CWC27: variants seen among roughly 807,000 people sequenced by gnomAD.
CWC27 encodes spliceosome-associated protein CWC27 homolog.
A neutral mutation model predicts 63.6 loss-of-function variants in CWC27; 47 were observed. That is an observed-to-expected ratio of 0.74 (90% confidence interval 0.58 to 0.94). The LOEUF is 0.94. CWC27 is among the 40% of genes least tolerant of loss of function. The pLI is 0.00. For missense variants in CWC27, 495 were observed against 554.3 expected (o/e 0.89, Z 1.07); for synonymous variants, 175 against 179.8 (o/e 0.97, Z 0.22).
intron 2 of CWC27, among the ~76,000 whole-genome samples, chr5:64,776,654 C>T (rs949055305): frequency 6.6e-6 from 1 of 152,032 alleles, no homozygotes; most frequent in African/African-American, 2.4e-5. Flanking sequence ...CAAGGATACT[C>T]CTAAATAAGT....
intron 10 of CWC27, among the ~76,000 whole-genome samples, chr5:64,839,322 T>G (rs1421607861): frequency 6.6e-6 from 1 of 152,130 alleles, no homozygotes; most frequent in East Asian, 1.9e-4. Context: ...ATGAAGAAGA[T>G]GAGAGTTTGA....
intron 10 of CWC27, chr5:64,804,713 T>C: frequency 5.5e-6 from 1 of 180,628 alleles, no homozygotes; most frequent in Non-Finnish European, 1.1e-5. Context: ...ATGAGAGCAG[T>C]AGAGTAATTG....
chr5:64,907,570 C>A (rs2112373150), intron 11 of CWC27, among the ~76,000 whole-genome samples: 1 of 152,294 alleles, frequency 6.6e-6, no homozygotes, highest in East Asian at 1.9e-4. Context: ...TGGGCTGAGA[C>A]ACTGGGGTTT....
intron 11 of CWC27, among the ~76,000 whole-genome samples, chr5:64,916,900 G>T (rs942146283): frequency 0.018 from 2,665 of 151,204 alleles, 44 homozygotes; most frequent in African/African-American, 0.05. Flanking sequence ...AGTAGTAGTA[G>T]TAGTAGTAGT....
intron 10 of CWC27, chr5:64,807,609 C>T: frequency 6.5e-7 from 1 of 1,533,882 alleles, no homozygotes; most frequent in Non-Finnish European, 8.7e-7. Flanking sequence ...CCCACCTTCT[C>T]TATGCCTGTA....
intron 11 of CWC27, among the ~76,000 whole-genome samples, chr5:64,927,477 C>T (rs1370306646): frequency 6.6e-6 from 1 of 152,160 alleles, no homozygotes; most frequent in African/African-American, 2.4e-5. Context: ...GCTTCTTCAG[C>T]TTTACTCTTC....
intron 11 of CWC27, among the ~76,000 whole-genome samples, chr5:64,897,788 G>A (rs1300522162): frequency 6.6e-6 from 1 of 152,084 alleles, no homozygotes; most frequent in Non-Finnish European, 1.5e-5. Flanking sequence ...AAGGCAAAAT[G>A]TATTACTAGG....
At chr5:64,869,229 G>A (rs550683751) in intron 10 of CWC27, among the ~76,000 whole-genome samples, 3 of 152,102 alleles carry the variant, frequency 2.0e-5, no homozygotes, top group African/African-American at 4.8e-5. Flanking sequence ...GCTGTTCACC[G>A]TATTCTATAA....
chr5:64,961,270 C>T (rs1159708305), intron 11 of CWC27, among the ~76,000 whole-genome samples: 3 of 152,178 alleles, frequency 2.0e-5, no homozygotes, highest in Non-Finnish European at 4.4e-5. Flanking sequence ...AGTAATGTCA[C>T]TTACCTGGTC....
At chr5:64,987,548 A>T (rs1477235905) in intron 13 of CWC27, among the ~76,000 whole-genome samples, 1 of 152,168 alleles carries the variant, frequency 6.6e-6, no homozygotes, top group Admixed American at 6.5e-5. Flanking sequence ...TTTATTCATG[A>T]TATTTCAGGT....
chr5:64,866,935 G>A (rs1056819835), intron 10 of CWC27, among the ~76,000 whole-genome samples: 5 of 152,060 alleles, frequency 3.3e-5, no homozygotes, highest in African/African-American at 9.7e-5. Flanking sequence ...AAGGTATGAG[G>A]AGGAATGTAG....
intron 2 of CWC27, among the ~76,000 whole-genome samples, chr5:64,780,305 T>C (rs1337952720): frequency 1.3e-5 from 2 of 152,066 alleles, no homozygotes; most frequent in African/African-American, 4.8e-5. Context: ...ATTCATCCAT[T>C]GATAGACATT....
intron 10 of CWC27, among the ~76,000 whole-genome samples, chr5:64,831,305 G>GA (rs1745509081): frequency 6.6e-6 from 1 of 151,966 alleles, no homozygotes; most frequent in East Asian, 1.9e-4. Flanking sequence ...TAGGGAAGTT[G>GA]AAAATCCCTA....
chr5:64,808,420 CTTT>C (rs748762555), intron 10 of CWC27: 34 of 805,334 alleles, frequency 4.2e-5, no homozygotes, highest in Non-Finnish European at 4.7e-5. Flanking sequence ...ATTTTTTCTT[CTTT>C]GTGTATCCTT....
In CWC27 at chr5:64,971,747, G is replaced by C. The variant is rs531329392; in HGVS notation, c.1087G>C (p.Glu363Gln). The C allele has an allele frequency of 6.2e-7, 1 of 1,611,764 alleles. No individual in the cohort carries two copies. The highest frequency in any genetic ancestry group is 1.3e-5 in the African/African-American group (1 of 74,770). ...TGGTGCTGTTGCCGAATACAGAAGA[G>C]AAAAGCAAAAGTATGAAGCTTTGAG... is the stretch of plus-strand genomic sequence containing the variant. The part of the protein sequence containing the change: ...PDGAVAEYRR[E>Q]KQKYEALRKQ... The change falls in exon 12 of 14, where the codon GAA becomes CAA. Residue 363 changes from glutamate (E) to glutamine (Q), a missense_variant. Glu to Gln is a conservative substitution (Grantham distance 29, BLOSUM62 2). Transcript: ENST00000381070.
At position 65,003,846 on chromosome 5, in the gene CWC27, C is replaced by CT. The variant is rs67780986; in HGVS notation, c.1257-14298dup. Among the ~76,000 whole-genome samples, 626 of 139,628 alleles carry CT rather than the reference C, an allele frequency of 4.5e-3. 2 individuals are homozygous for CT. The highest frequency in any genetic ancestry group is 0.011 in the Middle Eastern group (3 of 270). 91.6% of individuals were successfully genotyped at this position (139,628 alleles called of 152,430 possible). A position where few individuals can be genotyped will look rare whatever the true frequency, so the allele number is the denominator to read the frequency against. ...TATAAAGTTCTCTATTTTTATTTGA[C>CT]TTTTTTTTTTTTTTTGGAGACAGAA... On this transcript the variant is annotated intron_variant, in intron 13 of 13. Transcript: ENST00000381070.
intron 11 of CWC27, among the ~76,000 whole-genome samples, chr5:64,911,589 C>G (rs1331572392): frequency 1.3e-5 from 2 of 152,188 alleles, no homozygotes; most frequent in African/African-American, 2.4e-5. Flanking sequence ...AACCCTTTCC[C>G]TGGGAAAATC....
chr5:64,897,244 C>T (rs766969133), intron 11 of CWC27, among the ~76,000 whole-genome samples: 14 of 152,026 alleles, frequency 9.2e-5, no homozygotes, highest in South Asian at 4.2e-4. Flanking sequence ...GGCATATACC[C>T]GAAAGATTAT....
chr5:64,830,493 A>G (rs1161569010), intron 10 of CWC27, among the ~76,000 whole-genome samples: 2 of 152,168 alleles, frequency 1.3e-5, no homozygotes, highest in Non-Finnish European at 2.9e-5. Flanking sequence ...AAACCTAGAC[A>G]ACCCCATTCA....
Sources: gnomAD v4.1 joint callset for allele counts (sites outside exome capture counted in the v4.1 genomes callset) on GRCh38, gnomAD v4.1.1 for gene constraint, MANE v1.5 for transcripts, NCBI Gene and HGNC (gene_info 2026-07-23, HGNC 2026-07-21) for gene names.